The following TTC23L variants were observed in gnomAD, a reference collection of about 807,000 sequenced individuals.
TTC23L encodes tetratricopeptide repeat domain 23 like.
TTC23L carries 42 observed loss-of-function variants against 48.1 expected under a neutral mutation model. The observed-to-expected ratio is 0.87, with a 90% CI of 0.68 to 1.13. The LOEUF (loss-of-function observed/expected upper bound fraction) is 1.13, where lower values mean the gene tolerates loss of function less well. Among genes scored for constraint, TTC23L ranks in the 50% most tolerant of loss-of-function variants. The pLI is 0.00. For missense variants in TTC23L, 391 were observed against 421.0 expected, an observed-to-expected ratio of 0.93 and a Z score of 0.62; for synonymous variants, 159 against 157.2, an observed-to-expected ratio of 1.01 and a Z score of -0.09.
chr5:34,883,880 G>A (rs1039289980), intron 9 of TTC23L, among the ~76,000 whole-genome samples: 10 of 152,172 alleles, frequency 6.6e-5, no homozygotes, highest in South Asian at 6.2e-4. Flanking sequence ...TTTTCTGGAA[G>A]AGGAGGACAC....
At chr5:34,898,244 G>A (rs891957633) in intron 10 of TTC23L, among the ~76,000 whole-genome samples, 4 of 152,116 alleles carry the variant, frequency 2.6e-5, no homozygotes, top group East Asian at 1.9e-4. Flanking sequence ...CGAAGCAAAC[G>A]GAGATAGGGG....
In TTC23L at chr5:34,845,674, G is replaced by T; in HGVS notation, c.255+1G>T. ...AGCTCAGCTGATTAAGGAAAAAATG[G>T]TAAAACAAAAAACTCACTAAAATTT... is the stretch of plus-strand genomic sequence containing the variant. On this transcript the variant is annotated splice_donor_variant, in intron 3 of 10. Transcript: ENST00000505624. LOFTEE classifies it high-confidence loss of function. The T allele has an allele frequency of 1.9e-6, 3 of 1,596,606 alleles. No individual in the cohort carries two copies. Among genetic ancestry groups the T allele is most frequent in the South Asian group, 1.1e-5 (1 of 87,554 alleles).
chr5:34,915,487 A>C, the TTC23L span: 41 of 423,932 alleles, frequency 9.7e-5, no homozygotes, highest in Middle Eastern at 6.5e-4. Context: ...GGCGGCTCCG[A>C]GGAACCGCGG....
chr5:34,908,820 C>T, the TTC23L span: 3 of 1,612,724 alleles, frequency 1.9e-6, no homozygotes, highest in Non-Finnish European at 2.5e-6. Context: ...TTCCACAAAA[C>T]ATATTTGTCC....
chr5:34,893,044 T>C (rs1184234856), intron 9 of TTC23L, among the ~76,000 whole-genome samples: 1 of 151,952 alleles, frequency 6.6e-6, no homozygotes, highest in East Asian at 1.9e-4. Context: ...GGGAGAGCAG[T>C]TAGGAGGTAG....
chr5:34,884,822 TAGC>T (rs1287182044), intron 9 of TTC23L, among the ~76,000 whole-genome samples: 3 of 152,212 alleles, frequency 2.0e-5, no homozygotes, highest in Non-Finnish European at 2.9e-5. Flanking sequence ...ATTACAGTAG[TAGC>T]CTTGAGATTC....
Position 34,864,454 on chromosome 5 carries a change from T to C in TTC23L, c.554T>C (p.Phe185Ser), listed in dbSNP as rs763851721. 1.7e-5 allele frequency: 27 copies of C among 1,613,764 alleles called. No individual in the cohort carries two copies. The highest frequency in any genetic ancestry group is 2.2e-5 in the Non-Finnish European group (26 of 1,179,778). Residue 185 changes from phenylalanine to serine, a missense_variant, in exon 6 of 11, where the codon TTC becomes TCC. Transcript: ENST00000505624. ...TATTTCACTGGCAGAGAAGCCTATT[T>C]CAACCTGCAGAAGGCAGAGAGAAAC...
the TTC23L span, chr5:34,921,474 C>T: frequency 3.9e-5 from 6 of 152,222 alleles, no homozygotes; most frequent in African/African-American, 1.4e-4. Context: ...GTTTTTAGTT[C>T]TATAAGTACT....
At chr5:34,854,593 G>A (rs1183220564) in intron 4 of TTC23L, among the ~76,000 whole-genome samples, 1 of 152,170 alleles carries the variant, frequency 6.6e-6, no homozygotes, top group Admixed American at 6.5e-5. Context: ...ATATAAGCTG[G>A]CCTCCTGTGT....
chr5:34,862,559 C>G (rs1296942190), intron 4 of TTC23L, among the ~76,000 whole-genome samples: 5 of 152,124 alleles, frequency 3.3e-5, no homozygotes, highest in Non-Finnish European at 7.3e-5. Context: ...AGGATACTCA[C>G]CTTCCATTCC....
chr5:34,890,381 G>A (rs1253817298), intron 9 of TTC23L, among the ~76,000 whole-genome samples: 1 of 145,066 alleles, frequency 6.9e-6, no homozygotes. Context: ...GGTCAAGGCT[G>A]CAGTGAGCCG....
At chr5:34,914,662 A>G in the TTC23L span, 1 of 1,604,344 alleles carries the variant, frequency 6.2e-7, no homozygotes, top group Non-Finnish European at 8.5e-7. Context: ...TAGAGTATCT[A>G]TGGCACAGGC....
At chr5:34,853,007 G>T (rs551919435) in intron 4 of TTC23L, among the ~76,000 whole-genome samples, 14 of 152,252 alleles carry the variant, frequency 9.2e-5, no homozygotes, top group African/African-American at 2.9e-4. Flanking sequence ...CCCTGTGATT[G>T]AATTACCTCC....
At chr5:34,923,477 C>T in the TTC23L span, 1 of 456,896 alleles carries the variant, frequency 2.2e-6, no homozygotes. Context: ...GGGGTTTCGC[C>T]ATGTTGGCCA....
At chr5:34,914,696 T>C in the TTC23L span, 6 of 1,614,188 alleles carry the variant, frequency 3.7e-6, no homozygotes, top group Non-Finnish European at 5.1e-6. Context: ...CTTCCATACC[T>C]GAATAAAAGC....
chr5:34,888,754 A>G (rs752125077), intron 9 of TTC23L, among the ~76,000 whole-genome samples: 1 of 152,252 alleles, frequency 6.6e-6, no homozygotes, highest in Non-Finnish European at 1.5e-5. Context: ...GGTCTGCTGC[A>G]GTAATATTTA....
chr5:34,854,176 A>G (rs10521019), intron 4 of TTC23L, among the ~76,000 whole-genome samples: 13,611 of 152,280 alleles, frequency 0.089, 956 homozygotes, highest in South Asian at 0.14. Flanking sequence ...TGCTGCATGA[A>G]TAGAGAACTA....
chr5:34,910,987 T>C, the TTC23L span, among the ~76,000 whole-genome samples: 1 of 152,186 alleles, frequency 6.6e-6, no homozygotes, highest in Admixed American at 6.5e-5. Flanking sequence ...CCTCCCTAAA[T>C]CCTTATACAG....
chr5:34,912,161 C>T, the TTC23L span, among the ~76,000 whole-genome samples: 3 of 152,212 alleles, frequency 2.0e-5, no homozygotes, highest in African/African-American at 7.2e-5. Context: ...TGCTGCAGAA[C>T]AGGGTATGCT....
Sources: gnomAD v4.1 joint callset for allele counts (sites outside exome capture counted in the v4.1 genomes callset) on GRCh38, gnomAD v4.1.1 for gene constraint, MANE v1.5 for transcripts, NCBI Gene and HGNC (gene_info 2026-07-23, HGNC 2026-07-21) for gene names.